SUCLG2: variants seen among roughly 807,000 people sequenced by gnomAD.
The protein encoded by SUCLG2 is succinate--CoA ligase [GDP-forming] subunit beta, mitochondrial.
A neutral mutation model predicts 47.9 loss-of-function variants in SUCLG2; 42 were observed. The ratio of observed to expected loss-of-function variants is 0.88; its 90% CI spans 0.69 to 1.14. SUCLG2 has a LOEUF of 1.14. Among genes scored for constraint, SUCLG2 ranks in the 50% most tolerant of loss-of-function variants. The probability of loss-of-function intolerance (pLI) is 0.00; values close to 1 mark genes in which losing one functional copy is unlikely to be tolerated. For missense variants in SUCLG2, 571 were observed against 525.9 expected, an observed-to-expected ratio of 1.09 and a Z score of -0.84; for synonymous variants, 195 against 197.3, an observed-to-expected ratio of 0.99 and a Z score of 0.10.
In SUCLG2 at chr3:67,401,121, T is replaced by A. The variant is rs561264239; in HGVS notation, c.1063-270A>T. Among the ~76,000 whole-genome samples, 434 of 152,316 alleles carry A rather than the reference T, an allele frequency of 2.8e-3. 1 individual carries two copies. Among genetic ancestry groups the A allele is most frequent in the African/African-American group, 9.5e-3 (395 of 41,568 alleles). On this transcript the variant is annotated intron_variant, in intron 9 of 10. Coordinates refer to ENST00000307227, the MANE Select transcript of SUCLG2 (RefSeq NM_003848.4). ...TGAATTTAATCATCATTCATTCGTC[T>A]ATTATATAATGTCTTCTTTTTCTGA...
At chr3:67,377,025 C>A (rs1288511109) in intron 10 of SUCLG2, among the ~76,000 whole-genome samples, 1 of 152,230 alleles carries the variant, frequency 6.6e-6, no homozygotes, top group African/African-American at 2.4e-5. Flanking sequence ...TCCTCGTAAT[C>A]TTCCCAAGAA....
At chr3:67,522,991 G>A (rs561400644) in intron 4 of SUCLG2, among the ~76,000 whole-genome samples, 16 of 151,692 alleles carry the variant, frequency 1.1e-4, no homozygotes, top group Middle Eastern at 3.4e-3. Context: ...TAGTAGAGAC[G>A]GGGTTTCACC....
chr3:67,408,509 C>T (rs1225548530), intron 9 of SUCLG2: 22 of 607,926 alleles, frequency 3.6e-5, no homozygotes, highest in Middle Eastern at 8.6e-4. Context: ...AGCATGGAAA[C>T]GACATCTTAT....
intron 1 of SUCLG2, among the ~76,000 whole-genome samples, chr3:67,654,020 C>G (rs757580203): frequency 6.6e-6 from 1 of 152,198 alleles, no homozygotes; most frequent in Non-Finnish European, 1.5e-5. Flanking sequence ...AAGCAGGTAG[C>G]CTGCAGGAAG....
chr3:67,623,939 T>G lies in SUCLG2; in HGVS notation c.85-14343A>C, dbSNP rs12632111. ...AACATGTCATCTCAATGCATCAGAT[T>G]TGACTGTCTCACAGGGCCCTGCTAC... On this transcript the variant is annotated intron_variant, in intron 1 of 10. Transcript: ENST00000307227. Among the ~76,000 whole-genome samples the G allele has an allele frequency of 3.2e-4, 49 of 152,326 alleles. No individual in the cohort carries two copies. In the East Asian group the frequency reaches 8.9e-3, roughly 28 times the overall value.
intron 9 of SUCLG2, among the ~76,000 whole-genome samples, chr3:67,469,068 G>A (rs1243666441): frequency 1.3e-5 from 2 of 152,086 alleles, no homozygotes; most frequent in Admixed American, 6.5e-5. Context: ...CAGCTCAGTC[G>A]AAGTCTTGAA....
chr3:67,399,131 C>G (rs1229991194), intron 10 of SUCLG2, among the ~76,000 whole-genome samples: 1 of 151,228 alleles, frequency 6.6e-6, no homozygotes, highest in Non-Finnish European at 1.5e-5. Flanking sequence ...GGTAACTAAC[C>G]TGCACATTGT....
chr3:67,593,203 CAAT>C (rs1285081017), intron 2 of SUCLG2, among the ~76,000 whole-genome samples: 2 of 152,110 alleles, frequency 1.3e-5, no homozygotes, highest in Non-Finnish European at 2.9e-5. Context: ...TATATTCTCG[CAAT>C]AATAACTAAA....
chr3:67,434,267 C>A (rs1022664285), intron 9 of SUCLG2, among the ~76,000 whole-genome samples: 2 of 152,138 alleles, frequency 1.3e-5, no homozygotes, highest in African/African-American at 4.8e-5. Flanking sequence ...GGCTCACGTC[C>A]GTTATCCCAG....
intron 2 of SUCLG2, among the ~76,000 whole-genome samples, chr3:67,597,701 A>T (rs1009019560): frequency 6.6e-6 from 1 of 152,074 alleles, no homozygotes; most frequent in African/African-American, 2.4e-5. Flanking sequence ...GCACTTTGGG[A>T]GGCCAAGGCG....
intron 1 of SUCLG2, among the ~76,000 whole-genome samples, chr3:67,620,563 T>C (rs9839235): frequency 0.46 from 60,666 of 131,492 alleles, 13,490 homozygotes; most frequent in Middle Eastern, 0.52. Context: ...CCAGCCTGGG[T>C]GACACAGTGA....
chr3:67,442,602 T>G (rs1485567892), intron 9 of SUCLG2, among the ~76,000 whole-genome samples: 1 of 152,184 alleles, frequency 6.6e-6, no homozygotes, highest in Non-Finnish European at 1.5e-5. Context: ...GTTTTTCAGA[T>G]ATGACCAAAG....
intron 2 of SUCLG2, among the ~76,000 whole-genome samples, chr3:67,561,909 AC>A (rs1281266193): frequency 6.6e-6 from 1 of 152,206 alleles, no homozygotes; most frequent in African/African-American, 2.4e-5. Flanking sequence ...GTTTGCTATT[AC>A]ACTGTAGGGT....
intron 1 of SUCLG2, among the ~76,000 whole-genome samples, chr3:67,616,153 G>A (rs992405586): frequency 6.6e-6 from 1 of 152,024 alleles, no homozygotes; most frequent in African/African-American, 2.4e-5. Flanking sequence ...GTGAGATTAG[G>A]CTGGATTATA....
downstream of SUCLG2, among the ~76,000 whole-genome samples, chr3:67,372,535 A>C (rs1379638518): frequency 6.6e-6 from 1 of 152,164 alleles, no homozygotes; most frequent in African/African-American, 2.4e-5. Flanking sequence ...ATTTGGTATT[A>C]TTCCAATGCA....
intron 1 of SUCLG2, among the ~76,000 whole-genome samples, chr3:67,647,985 C>T (rs1701220296): frequency 6.6e-6 from 1 of 152,208 alleles, no homozygotes; most frequent in Admixed American, 6.5e-5. Context: ...TATTCTAGCT[C>T]AATAAAGCCT....
At chr3:67,415,938 G>A (rs1703030664) in intron 9 of SUCLG2, among the ~76,000 whole-genome samples, 1 of 152,110 alleles carries the variant, frequency 6.6e-6, no homozygotes, top group Admixed American at 6.5e-5. Flanking sequence ...TCTCTCTCTT[G>A]GATCACTCAC....
intron 9 of SUCLG2, among the ~76,000 whole-genome samples, chr3:67,406,427 G>A (rs1702811158): frequency 1.3e-5 from 2 of 152,192 alleles, no homozygotes; most frequent in Admixed American, 1.3e-4. Context: ...GGTCCTATGT[G>A]AGTAGCAGGA....
At chr3:67,578,324 C>T (rs996385804) in intron 2 of SUCLG2, among the ~76,000 whole-genome samples, 2 of 147,576 alleles carry the variant, frequency 1.4e-5, no homozygotes, top group Non-Finnish European at 3.0e-5. Flanking sequence ...GATTTTAAAG[C>T]CTATTCTATA....
Sources: gnomAD v4.1 joint callset for allele counts (sites outside exome capture counted in the v4.1 genomes callset) on GRCh38, gnomAD v4.1.1 for gene constraint, MANE v1.5 for transcripts, NCBI Gene and HGNC (gene_info 2026-07-23, HGNC 2026-07-21) for gene names.